The following NCKAP5 variants were observed in gnomAD, a reference collection of about 807,000 sequenced individuals.
NCKAP5 encodes the protein nck-associated protein 5.
Under a neutral mutation model 167.0 loss-of-function variants are expected in NCKAP5, and 92 were observed. The ratio of observed to expected loss-of-function variants is 0.55; its 90% CI spans 0.47 to 0.66. NCKAP5 has a LOEUF of 0.66. Ranked by LOEUF, NCKAP5 falls within the 30% of genes least tolerant of loss-of-function variation. The pLI is 0.00. For missense variants in NCKAP5, 2,378 were observed against 2,315.0 expected (o/e 1.03, Z -0.56); for synonymous variants, 891 against 877.4 (o/e 1.02, Z -0.27).
At chr2:132,911,872 G>C (rs1220477519) in intron 8 of NCKAP5, among the ~76,000 whole-genome samples, 2 of 152,170 alleles carry the variant, frequency 1.3e-5, no homozygotes, top group Non-Finnish European at 2.9e-5. Flanking sequence ...CTGCAGGACT[G>C]TTGATTAGCG....
chr2:133,168,196 C>T (rs545293507), intron 5 of NCKAP5, among the ~76,000 whole-genome samples: 12 of 152,134 alleles, frequency 7.9e-5, no homozygotes, highest in South Asian at 6.2e-4. Context: ...CTTGAGCCCA[C>T]GCACTTAATC....
intron 7 of NCKAP5, among the ~76,000 whole-genome samples, chr2:132,969,794 C>G (rs914645539): frequency 6.6e-6 from 1 of 152,198 alleles, no homozygotes. Context: ...AAGCCACATC[C>G]GCATGCTGCT....
intron 3 of NCKAP5, among the ~76,000 whole-genome samples, chr2:133,355,343 T>C (rs1388454700): frequency 6.6e-6 from 1 of 152,236 alleles, no homozygotes; most frequent in East Asian, 1.9e-4. Flanking sequence ...GTCCTGAGAT[T>C]TGAATAAAAA....
intron 5 of NCKAP5, among the ~76,000 whole-genome samples, chr2:133,182,021 C>T (rs1269229343): frequency 6.6e-6 from 1 of 151,978 alleles, no homozygotes; most frequent in Non-Finnish European, 1.5e-5. Context: ...AAGAGAGGTA[C>T]ATCATAAAAT....
At chr2:133,500,456 G>T (rs1682402533) in intron 3 of NCKAP5, among the ~76,000 whole-genome samples, 1 of 152,136 alleles carries the variant, frequency 6.6e-6, no homozygotes, top group Non-Finnish European at 1.5e-5. Context: ...GAAGACTTCT[G>T]AGGGACAAAG....
chr2:133,587,446 A>G, the NCKAP5 span, among the ~76,000 whole-genome samples: 1 of 152,214 alleles, frequency 6.6e-6, no homozygotes, highest in Non-Finnish European at 1.5e-5. Context: ...GGGAGGTGAC[A>G]TCGGAATGGA....
At chr2:133,593,956 G>T in the NCKAP5 span, among the ~76,000 whole-genome samples, 1 of 152,172 alleles carries the variant, frequency 6.6e-6, no homozygotes, top group Non-Finnish European at 1.5e-5. Context: ...CCTCCGAAGA[G>T]CCCAACCTGG....
intron 5 of NCKAP5, among the ~76,000 whole-genome samples, chr2:133,190,752 C>G (rs1415261699): frequency 6.6e-6 from 1 of 152,112 alleles, no homozygotes; most frequent in African/African-American, 2.4e-5. Context: ...CTTCCTTACA[C>G]CTTATACAAA....
chr2:133,045,729 A>G (rs2149469508), intron 6 of NCKAP5, among the ~76,000 whole-genome samples: 1 of 152,336 alleles, frequency 6.6e-6, no homozygotes, highest in African/African-American at 2.4e-5. Flanking sequence ...AACTAGAACC[A>G]TTATAACATT....
rs147465462 is a variant in NCKAP5 at position 133,438,226 on chromosome 2, C to G, written c.69+79232G>C. 4.3e-4 allele frequency among the ~76,000 whole-genome samples: 65 copies of G among 152,306 alleles called. No homozygotes were observed. The East Asian group carries it at 0.013, about 29-fold the overall frequency. ...GTTGTTGGGTGCCAGCTTCTGGCAGCATGGCATACAAACAAATGAATGCTC... is the reference window on the plus strand; with the variant it reads ...GTTGTTGGGTGCCAGCTTCTGGCAGGATGGCATACAAACAAATGAATGCTC... On this transcript the variant is annotated intron_variant, in intron 3 of 19. Coordinates refer to ENST00000409261, the MANE Select transcript of NCKAP5 (RefSeq NM_207363.3).
At chr2:132,790,237 T>C in intron 12 of NCKAP5, 32 bp from the exon 13 acceptor site, 3 of 1,583,962 alleles carry the variant, frequency 1.9e-6, no homozygotes, top group Non-Finnish European at 2.6e-6. Context: ...GAGCAAGGGC[T>C]TTGCTCAGAG....
At chr2:133,384,124 C>G (rs1686745105) in intron 3 of NCKAP5, among the ~76,000 whole-genome samples, 1 of 152,118 alleles carries the variant, frequency 6.6e-6, no homozygotes, top group African/African-American at 2.4e-5. Context: ...GACATGAAGT[C>G]CTTGCCCATG....
intron 6 of NCKAP5, among the ~76,000 whole-genome samples, chr2:133,036,669 C>G (rs1345521843): frequency 6.6e-6 from 1 of 151,946 alleles, no homozygotes; most frequent in African/African-American, 2.4e-5. Context: ...GAACATACCT[C>G]AACATAATAA....
intron 16 of NCKAP5, among the ~76,000 whole-genome samples, chr2:132,762,684 C>A (rs929926362): frequency 2.0e-5 from 3 of 152,238 alleles, no homozygotes; most frequent in Admixed American, 6.5e-5. Context: ...GCACATTACT[C>A]TTCTCTTTCT....
intron 16 of NCKAP5, among the ~76,000 whole-genome samples, chr2:132,742,435 G>T (rs1660047382): frequency 1.3e-5 from 2 of 151,900 alleles, no homozygotes; most frequent in South Asian, 2.1e-4. Context: ...TATCAATTTA[G>T]CAACTGATGA....
At chr2:133,224,842 C>T (rs867428140) in intron 4 of NCKAP5, among the ~76,000 whole-genome samples, 3 of 152,056 alleles carry the variant, frequency 2.0e-5, no homozygotes, top group Admixed American at 6.6e-5. Flanking sequence ...ACTTCTTCCT[C>T]GAGTGTAAAG....
intron 3 of NCKAP5, among the ~76,000 whole-genome samples, chr2:133,307,831 C>A (rs1210046559): frequency 2.0e-5 from 3 of 151,688 alleles, no homozygotes; most frequent in Non-Finnish European, 2.9e-5. Context: ...ATATGTAATA[C>A]CTGAGCAAAG....
At chr2:133,237,060 G>A (rs986466985) in intron 4 of NCKAP5, among the ~76,000 whole-genome samples, 1 of 150,952 alleles carries the variant, frequency 6.6e-6, no homozygotes, top group African/African-American at 2.4e-5. Context: ...AAAAAAAAGA[G>A]CGAAATCTCT....
chr2:133,528,432 A>G (rs144852399), intron 2 of NCKAP5, among the ~76,000 whole-genome samples: 117 of 152,200 alleles, frequency 7.7e-4, no homozygotes, highest in African/African-American at 2.8e-3. Flanking sequence ...TCTCAAATGC[A>G]TGCATGGGAA....
Sources: allele counts gnomAD v4.1 joint callset (sites outside exome capture counted in the v4.1 genomes callset), GRCh38; gene constraint gnomAD v4.1.1; transcripts MANE v1.5; gene names NCBI Gene and HGNC (gene_info 2026-07-23, HGNC 2026-07-21).